The following DMD variants were observed in gnomAD, a reference collection of about 807,000 sequenced individuals.
DMD encodes the protein mutant dystrophin.
A neutral mutation model predicts 330.1 loss-of-function variants in DMD; 63 were observed. The observed-to-expected ratio is 0.19, with a 90% CI of 0.16 to 0.24. DMD has a LOEUF of 0.24. Among genes scored for constraint, DMD ranks in the 10% least tolerant of loss-of-function variants. The pLI is 1.00. For missense variants in DMD, 3,344 were observed against 2,684.1 expected, an observed-to-expected ratio of 1.25 and a Z score of -5.43; for synonymous variants, 1,223 against 959.8, an observed-to-expected ratio of 1.27 and a Z score of -5.07.
intron 7 of DMD, among the ~76,000 whole-genome samples, chrX:32,769,651 A>G (rs989200859): frequency 8.9e-6 from 1 of 111,988 alleles, no homozygotes; most frequent in Non-Finnish European, 1.9e-5. Context: ...AATAGAATTC[A>G]GTTGCACCAG....
intron 43 of DMD, among the ~76,000 whole-genome samples, chrX:32,285,188 A>C (rs920213422): frequency 1.8e-5 from 2 of 112,197 alleles, no homozygotes; most frequent in Non-Finnish European, 3.8e-5. Context: ...TGGCTATCCA[A>C]GAAACCTCAA....
chrX:31,515,746 A>G (rs903862568), intron 55 of DMD, among the ~76,000 whole-genome samples: 1 of 112,111 alleles, frequency 8.9e-6, no homozygotes, highest in Non-Finnish European at 1.9e-5. Flanking sequence ...TCCATGCATC[A>G]GTAGCCCTTG....
chrX:33,281,939 T>C (rs1324605691), intron 1 of DMD, among the ~76,000 whole-genome samples: 3 of 109,045 alleles, frequency 2.8e-5, no homozygotes, highest in Non-Finnish European at 5.7e-5. Flanking sequence ...TTCTTAGATC[T>C]ATAGAGATAA....
chrX:31,317,669 G>A (rs1449525835), intron 62 of DMD, among the ~76,000 whole-genome samples: 4 of 109,027 alleles, frequency 3.7e-5, no homozygotes, highest in Non-Finnish European at 5.7e-5. Flanking sequence ...CCGCCACCAC[G>A]CCCAGCTAAT....
intron 1 of DMD, among the ~76,000 whole-genome samples, chrX:33,266,798 C>A (rs1388906982): frequency 9.0e-6 from 1 of 110,979 alleles, no homozygotes; most frequent in Non-Finnish European, 1.9e-5. Flanking sequence ...TCCAACATCC[C>A]TTCATGATAA....
At chrX:32,529,379 CTTTTTTTTTTTTTTTTTTTTTTTT>C (rs777955346) in intron 17 of DMD, among the ~76,000 whole-genome samples, 2 of 31,063 alleles carry the variant, frequency 6.4e-5, no homozygotes, top group Admixed American at 4.3e-4. Flanking sequence ...CAAAAATCAA[CTTTTTTTTTTTTTTTTTTTTTTTT>C]TTTTTTTTTT....
intron 55 of DMD, among the ~76,000 whole-genome samples, chrX:31,611,441 A>T (rs1478983347): frequency 9.0e-6 from 1 of 111,600 alleles, no homozygotes; most frequent in Non-Finnish European, 1.9e-5. Flanking sequence ...CTCTCTAAAT[A>T]CCTTAATACT....
At chrX:31,776,704 G>A (rs1239862510) in intron 50 of DMD, among the ~76,000 whole-genome samples, 2 of 110,543 alleles carry the variant, frequency 1.8e-5, no homozygotes, top group Non-Finnish European at 3.8e-5. Flanking sequence ...CAGGCAGTAA[G>A]GGAAGGAAGG....
intron 62 of DMD, among the ~76,000 whole-genome samples, chrX:31,274,757 A>G (rs1253798519): frequency 1.8e-5 from 2 of 112,515 alleles, no homozygotes; most frequent in African/African-American, 3.2e-5. Context: ...TTCTTTAAAT[A>G]ACTTCAAACA....
chrX:31,341,707 C>T (rs919494324), intron 61 of DMD, among the ~76,000 whole-genome samples: 4 of 111,035 alleles, frequency 3.6e-5, no homozygotes, highest in African/African-American at 1.3e-4. Flanking sequence ...GGGTTCCAGT[C>T]CCAGTATTAT....
intron 18 of DMD, 124 bp from the exon 19 acceptor site, chrX:32,501,966 C>A: frequency 1.9e-6 from 1 of 527,629 alleles, no homozygotes; most frequent in South Asian, 3.1e-5. Flanking sequence ...TCACGTGAAT[C>A]TAAAGACTTT....
chrX:31,159,947 C>A (rs770824602), intron 74 of DMD, among the ~76,000 whole-genome samples: 7 of 112,279 alleles, frequency 6.2e-5, no homozygotes, highest in Admixed American at 9.4e-5. Flanking sequence ...ACCTGCATTT[C>A]TGTCATAAGA....
chrX:31,204,873 C>T (rs1182581061), intron 66 of DMD, among the ~76,000 whole-genome samples: 11 of 112,254 alleles, frequency 9.8e-5, no homozygotes, highest in South Asian at 7.5e-4. Flanking sequence ...CCTCCTACCT[C>T]GGCCTCCCTA....
chrX:33,112,376 T>C (rs980560975), intron 1 of DMD, among the ~76,000 whole-genome samples: 11 of 111,685 alleles, frequency 9.8e-5, no homozygotes, highest in Non-Finnish European at 2.1e-4. Context: ...TAAGGGGAGA[T>C]TAATTATTTC....
At chrX:31,968,296 G>A in intron 45 of DMD, 43 bp downstream of exon 45, 1 of 1,192,007 alleles carries the variant, frequency 8.4e-7, no homozygotes, top group Non-Finnish European at 1.1e-6. Flanking sequence ...AGCTTAAAAA[G>A]TCTGCTAAAA....
intron 43 of DMD, 126 bp from the exon 44 acceptor site, chrX:32,217,189 GAGTTT>G: frequency 1.5e-6 from 1 of 662,423 alleles, no homozygotes; most frequent in African/African-American, 2.2e-5. Context: ...TGCATTTGCA[GAGTTT>G]AGTTTCAAGT....
At chrX:31,197,453 T>C (rs1041837384) in intron 67 of DMD, among the ~76,000 whole-genome samples, 1 of 112,301 alleles carries the variant, frequency 8.9e-6, no homozygotes, top group Non-Finnish European at 1.9e-5. Context: ...CACAGAGAAA[T>C]ACTTGTTCTC....
chrX:32,536,720 T>C (rs1336128129), intron 17 of DMD, among the ~76,000 whole-genome samples: 1 of 112,087 alleles, frequency 8.9e-6, no homozygotes, highest in Admixed American at 9.5e-5. Flanking sequence ...GGACTGGTAC[T>C]AAAAAGTTTG....
chrX:31,522,363 C>CTCTCTCTCTCTATATATATA, intron 55 of DMD, among the ~76,000 whole-genome samples: 32 of 35,954 alleles, frequency 8.9e-4, no homozygotes, highest in East Asian at 9.7e-4. Flanking sequence ...CTCTCTCTCT[C>CTCTCTCTCTCTATATATATA]TATATATATA....
Sources: allele counts gnomAD v4.1 joint callset (sites outside exome capture counted in the v4.1 genomes callset), GRCh38; gene constraint gnomAD v4.1.1; transcripts MANE v1.5; gene names NCBI Gene and HGNC (gene_info 2026-07-23, HGNC 2026-07-21).